DLGAP1: variants seen among roughly 807,000 people sequenced by gnomAD.
DLGAP1 encodes DLG associated protein 1.
DLGAP1 carries 11 observed loss-of-function variants against 90.8 expected under a neutral mutation model. The ratio of observed to expected loss-of-function variants is 0.12; its 90% confidence interval spans 0.08 to 0.20. DLGAP1 has a LOEUF of 0.20. Ranked by LOEUF, DLGAP1 falls within the 10% of genes least tolerant of loss-of-function variation. The pLI, the probability that DLGAP1 is intolerant of heterozygous loss-of-function variation, is 1.00. For missense variants in DLGAP1, 1,050 were observed against 1,333.8 expected (o/e 0.79, Z 3.31); for synonymous variants, 558 against 540.7 (o/e 1.03, Z -0.44).
intron 7 of DLGAP1, among the ~76,000 whole-genome samples, chr18:3,661,782 A>G (rs1018602548): frequency 6.6e-6 from 1 of 151,422 alleles, no homozygotes; most frequent in African/African-American, 2.4e-5. Flanking sequence ...GGGTTTCACC[A>G]TGTTGCTCAG....
chr18:3,551,636 C>CTTTCTTTCT (rs2144813545), intron 9 of DLGAP1, among the ~76,000 whole-genome samples: 1 of 33,744 alleles, frequency 3.0e-5, no homozygotes, highest in South Asian at 1.1e-3. Context: ...TCTTTCTTTC[C>CTTTCTTTCT]TTCCTTTCTC....
At chr18:4,453,086 T>C (rs2144925557) in intron 1 of DLGAP1, among the ~76,000 whole-genome samples, 1 of 152,320 alleles carries the variant, frequency 6.6e-6, no homozygotes, top group South Asian at 2.1e-4. Context: ...AATTAGTTTT[T>C]TAAAAATTCA....
chr18:3,687,809 G>A (rs550094114), intron 7 of DLGAP1, among the ~76,000 whole-genome samples: 7 of 151,916 alleles, frequency 4.6e-5, no homozygotes, highest in Admixed American at 2.0e-4. Flanking sequence ...AAAAAGGGCC[G>A]AAGTAAACAA....
intron 9 of DLGAP1, among the ~76,000 whole-genome samples, chr18:3,543,400 C>T (rs548632974): frequency 2.0e-5 from 3 of 152,156 alleles, no homozygotes; most frequent in Non-Finnish European, 2.9e-5. Flanking sequence ...CTCCTGACCT[C>T]GTGATCCACC....
At chr18:3,569,140 T>C (rs1599291081) in intron 8 of DLGAP1, among the ~76,000 whole-genome samples, 1 of 151,690 alleles carries the variant, frequency 6.6e-6, no homozygotes, top group South Asian at 2.1e-4. Context: ...TAGCTGAAAT[T>C]ACAGACGCGT....
intron 9 of DLGAP1, among the ~76,000 whole-genome samples, chr18:3,562,576 A>C (rs1599255492): frequency 3.6e-5 from 4 of 111,616 alleles, no homozygotes; most frequent in African/African-American, 7.3e-5. Context: ...ATGGAGTCTC[A>C]CTCTGTCACC....
In DLGAP1 at chr18:4,417,955, T is replaced by G. The variant is rs1263965717; in HGVS notation, c.-267+37051A>C. Among the ~76,000 whole-genome samples the G allele has an allele frequency of 2.0e-5, 3 of 152,156 alleles. No individual in the cohort carries two copies. The South Asian group carries it at 6.2e-4, about 32-fold the overall frequency. ...AGTGCTGCTTGGAGAGAAACACAAG[T>G]GTGGAAGGAGACCTTCTCTAAGGTT... On this transcript the variant is annotated intron_variant, in intron 1 of 12. Coordinates refer to ENST00000315677, the MANE Select transcript of DLGAP1 (RefSeq NM_004746.4).
chr18:4,427,971 A>C (rs1438931012), intron 1 of DLGAP1, among the ~76,000 whole-genome samples: 2 of 152,220 alleles, frequency 1.3e-5, no homozygotes, highest in Admixed American at 1.3e-4. Context: ...AATTGTTCAG[A>C]TCTCTGATCA....
intron 9 of DLGAP1, among the ~76,000 whole-genome samples, chr18:3,539,932 G>A (rs1010864409): frequency 1.3e-5 from 2 of 152,170 alleles, no homozygotes; most frequent in African/African-American, 4.8e-5. Flanking sequence ...CAGTTTCAAA[G>A]AGAGCAATGC....
chr18:4,365,408 G>A (rs1324433556), intron 1 of DLGAP1, among the ~76,000 whole-genome samples: 1 of 152,084 alleles, frequency 6.6e-6, no homozygotes, highest in Admixed American at 6.6e-5. Flanking sequence ...CTTGGGGTGG[G>A]GAGGAAGACT....
intron 2 of DLGAP1, among the ~76,000 whole-genome samples, chr18:4,058,901 G>A (rs183125977): frequency 6.6e-6 from 1 of 152,320 alleles, no homozygotes; most frequent in Non-Finnish European, 1.5e-5. Flanking sequence ...TCATTTTGTT[G>A]CTAAAATGCT....
chr18:4,315,181 G>A (rs1269248748), intron 1 of DLGAP1, among the ~76,000 whole-genome samples: 1 of 152,152 alleles, frequency 6.6e-6, no homozygotes, highest in Non-Finnish European at 1.5e-5. Context: ...GCCAAACTGG[G>A]ATAGCAACTG....
Position 3,601,705 on chromosome 18 carries a change from C to T in DLGAP1, c.1592-19457G>A, listed in dbSNP as rs189717155. ...CAAAAATACAAATAAATTAGCCGGT[C>T]ATGGTGGCCTGCCCCAGTAATCCCA... On this transcript the variant is annotated intron_variant, in intron 7 of 12. Transcript: ENST00000315677. 7.4e-3 allele frequency among the ~76,000 whole-genome samples: 1,123 copies of T among 151,984 alleles called. 5 individuals are homozygous for T. The highest frequency in any genetic ancestry group is 0.054 in the Middle Eastern group (16 of 294).
chr18:4,043,105 G>C (rs954442891), intron 2 of DLGAP1, among the ~76,000 whole-genome samples: 8 of 152,188 alleles, frequency 5.3e-5, no homozygotes, highest in African/African-American at 1.9e-4. Flanking sequence ...GAAGCAGAGG[G>C]AAGAGTAGAC....
At chr18:3,776,745 A>G (rs1327525923) in intron 5 of DLGAP1, among the ~76,000 whole-genome samples, 2 of 152,348 alleles carry the variant, frequency 1.3e-5, no homozygotes, top group South Asian at 2.1e-4. Context: ...AAACAAAAAC[A>G]AAACAAAAAC....
intron 7 of DLGAP1, among the ~76,000 whole-genome samples, chr18:3,704,482 A>G (rs2061374172): frequency 6.6e-6 from 1 of 152,002 alleles, no homozygotes; most frequent in Non-Finnish European, 1.5e-5. Flanking sequence ...AGGCAGGAGA[A>G]TCGCTTGAAC....
chr18:4,081,039 C>T (rs1282540433), intron 2 of DLGAP1, among the ~76,000 whole-genome samples: 1 of 151,960 alleles, frequency 6.6e-6, no homozygotes, highest in Non-Finnish European at 1.5e-5. Flanking sequence ...CAGGCATGCA[C>T]CACCACGCCC....
chr18:3,659,976 C>G (rs532644617), intron 7 of DLGAP1, among the ~76,000 whole-genome samples: 32 of 152,154 alleles, frequency 2.1e-4, no homozygotes, highest in Non-Finnish European at 4.0e-4. Flanking sequence ...CTGCCCTTGG[C>G]TGGTGTACTT....
intron 7 of DLGAP1, among the ~76,000 whole-genome samples, chr18:3,674,778 T>C (rs113940037): frequency 6.7e-6 from 1 of 149,642 alleles, no homozygotes; most frequent in African/African-American, 2.5e-5. Context: ...CAGTACCGAG[T>C]CCACCACAAT....
Sources: allele counts gnomAD v4.1 joint callset (sites outside exome capture counted in the v4.1 genomes callset), GRCh38; gene constraint gnomAD v4.1.1; transcripts MANE v1.5; gene names NCBI Gene and HGNC (gene_info 2026-07-23, HGNC 2026-07-21).